SMYD3: variants seen among roughly 807,000 people sequenced by gnomAD.
SMYD3 encodes the protein histone-lysine N-methyltransferase SMYD3.
SMYD3 carries 36 observed loss-of-function variants against 57.7 expected under a neutral mutation model. The observed-to-expected ratio is 0.62, with a 90% CI of 0.48 to 0.82. SMYD3 has a LOEUF of 0.82. Ranked by LOEUF, SMYD3 falls within the 40% of genes least tolerant of loss-of-function variation. SMYD3 has a pLI of 0.00. For synonymous variants in SMYD3, 211 were observed against 195.0 expected, an observed-to-expected ratio of 1.08 and a Z score of -0.68; for missense variants, 515 against 538.8, an observed-to-expected ratio of 0.96 and a Z score of 0.44.
intron 1 of SMYD3, among the ~76,000 whole-genome samples, chr1:246,447,574 T>C (rs769284145): frequency 6.6e-6 from 1 of 152,236 alleles, no homozygotes; most frequent in Non-Finnish European, 1.5e-5. Context: ...TAAAAGATTA[T>C]CTCAATACAA....
intron 5 of SMYD3, chr1:246,305,947 T>C (rs910063837): frequency 6.6e-6 from 1 of 152,188 alleles, no homozygotes; most frequent in Non-Finnish European, 1.5e-5. Context: ...CTATTGTTGA[T>C]AGGTGAGCCA....
At chr1:246,187,965 G>A (rs1475505653) in intron 5 of SMYD3, among the ~76,000 whole-genome samples, 1 of 151,966 alleles carries the variant, frequency 6.6e-6, no homozygotes, top group Non-Finnish European at 1.5e-5. Flanking sequence ...ACTGAGGGCC[G>A]TCTTGATAAA....
intron 1 of SMYD3, among the ~76,000 whole-genome samples, chr1:246,492,849 C>T (rs551737167): frequency 2.0e-5 from 3 of 152,290 alleles, no homozygotes; most frequent in Admixed American, 1.3e-4. Flanking sequence ...TGCAAGGAGC[C>T]GGTTTGAACT....
intron 1 of SMYD3, among the ~76,000 whole-genome samples, chr1:246,457,394 A>G (rs1558473546): frequency 1.3e-5 from 2 of 151,912 alleles, no homozygotes; most frequent in Admixed American, 6.6e-5. Flanking sequence ...TTAGCCAGCC[A>G]TGATGGCAGG....
intron 2 of SMYD3, among the ~76,000 whole-genome samples, chr1:246,339,657 AG>A (rs1463712930): frequency 6.6e-6 from 1 of 152,204 alleles, no homozygotes; most frequent in Non-Finnish European, 1.5e-5. Flanking sequence ...ATCCCACTGC[AG>A]GGCTGCTATG....
chr1:245,920,113 A>T (rs568120714), intron 7 of SMYD3, among the ~76,000 whole-genome samples: 19 of 152,220 alleles, frequency 1.2e-4, no homozygotes, highest in African/African-American at 3.6e-4. Flanking sequence ...GGAGATTGAG[A>T]CCATCCTGGC....
rs1181591625 is a variant in SMYD3, at chr1:246,453,170, A to G, written c.164+53884T>C. Among the ~76,000 whole-genome samples, 4 of 152,242 alleles carry G rather than the reference A, an allele frequency of 2.6e-5. No individual in the cohort carries two copies. In the East Asian group the frequency reaches 7.7e-4, roughly 29 times the overall value. On this transcript the variant is annotated intron_variant, in intron 1 of 11. Transcript: ENST00000490107. Reference sequence around the variant, plus strand: ...AGGGAGAGAGCAAGGCACAGAGAACATAAGTAGCTTGCGCAAAGTCACATA... The same window carrying G: ...AGGGAGAGAGCAAGGCACAGAGAACGTAAGTAGCTTGCGCAAAGTCACATA...
chr1:246,473,541 C>A (rs1319334487), intron 1 of SMYD3, among the ~76,000 whole-genome samples: 2 of 152,152 alleles, frequency 1.3e-5, no homozygotes, highest in Non-Finnish European at 2.9e-5. Flanking sequence ...AGGAATATTA[C>A]TGATTTTCTA....
intron 1 of SMYD3, among the ~76,000 whole-genome samples, chr1:246,394,953 T>C (rs1451085139): frequency 6.6e-6 from 1 of 150,698 alleles, no homozygotes; most frequent in Non-Finnish European, 1.5e-5. Flanking sequence ...CTTTATTATA[T>C]GAAAGGCTCC....
chr1:246,347,610 T>C (rs978572019), intron 2 of SMYD3, among the ~76,000 whole-genome samples: 1 of 152,188 alleles, frequency 6.6e-6, no homozygotes, highest in Non-Finnish European at 1.5e-5. Flanking sequence ...TATATCAGTG[T>C]TAAGAGGTGG....
chr1:245,944,488 A>C (rs928712366), intron 5 of SMYD3, among the ~76,000 whole-genome samples: 2 of 152,268 alleles, frequency 1.3e-5, no homozygotes, highest in Non-Finnish European at 2.9e-5. Context: ...CAAGAAAATC[A>C]GAGGACACAA....
intron 5 of SMYD3, among the ~76,000 whole-genome samples, chr1:246,053,386 GA>G (rs202160570): frequency 3.0e-4 from 44 of 147,030 alleles, no homozygotes; most frequent in African/African-American, 8.0e-4. Flanking sequence ...TTTAAAGAGA[GA>G]AAAAAAAAAG....
intron 5 of SMYD3, among the ~76,000 whole-genome samples, chr1:246,174,160 A>G (rs1185790445): frequency 2.0e-5 from 3 of 152,116 alleles, no homozygotes; most frequent in African/African-American, 7.2e-5. Flanking sequence ...GGATAAAAGT[A>G]TAATATAGTA....
At chr1:246,201,025 T>C (rs546999279) in intron 5 of SMYD3, among the ~76,000 whole-genome samples, 1 of 152,370 alleles carries the variant, frequency 6.6e-6, no homozygotes, top group Admixed American at 6.5e-5. Context: ...AACAAGGTTT[T>C]CTCACAACAT....
intron 1 of SMYD3, among the ~76,000 whole-genome samples, chr1:246,420,357 G>A (rs2067125236): frequency 6.6e-6 from 1 of 152,170 alleles, no homozygotes; most frequent in African/African-American, 2.4e-5. Flanking sequence ...GCTTGGGGTT[G>A]GAAGTAAATA....
Position 245,817,305 on chromosome 1 carries a change from A to T in SMYD3, c.1076+41191T>A, listed in dbSNP as rs550081565. On this transcript the variant is annotated intron_variant, in intron 10 of 11. Transcript: ENST00000490107. ...GGGGCACACTGACACCTCACATGGC[A>T]GGGTATTCCAACAGCCCTGCAGCTG... Among the ~76,000 whole-genome samples, 7 of 143,558 alleles carry T rather than the reference A, an allele frequency of 4.9e-5. No individual in the cohort carries two copies. The South Asian group carries it at 6.7e-4, about 14-fold the overall frequency. 94.2% of individuals were successfully genotyped at this position (143,558 alleles called of 152,430 possible).
chr1:246,039,783 T>C (rs1316163760), intron 5 of SMYD3, among the ~76,000 whole-genome samples: 1 of 152,162 alleles, frequency 6.6e-6, no homozygotes, highest in Non-Finnish European at 1.5e-5. Flanking sequence ...GATTAGGTCA[T>C]GCTGTAATGG....
chr1:245,821,618 A>C (rs1471049063), intron 10 of SMYD3, among the ~76,000 whole-genome samples: 23 of 144,668 alleles, frequency 1.6e-4, no homozygotes, highest in East Asian at 8.5e-4. Context: ...CAACCTACAA[A>C]ATGGGAGAAA....
At chr1:245,941,691 T>G (rs930525788) in intron 5 of SMYD3, among the ~76,000 whole-genome samples, 1 of 152,028 alleles carries the variant, frequency 6.6e-6, no homozygotes, top group Non-Finnish European at 1.5e-5. Flanking sequence ...AAGCTAATTT[T>G]TTTGTATTTT....
Sources: gnomAD v4.1 joint callset for allele counts (sites outside exome capture counted in the v4.1 genomes callset) on GRCh38, gnomAD v4.1.1 for gene constraint, MANE v1.5 for transcripts, NCBI Gene and HGNC (gene_info 2026-07-23, HGNC 2026-07-21) for gene names.